AKAIN1: variants seen among roughly 807,000 people sequenced by gnomAD.
AKAIN1 encodes the protein A-kinase anchor inhibitor 1.
A neutral mutation model predicts 3.7 loss-of-function variants in AKAIN1; 3 were observed. The ratio of observed to expected loss-of-function variants is 0.82; its 90% CI spans 0.37 to 2.12. AKAIN1 has a LOEUF of 2.12. AKAIN1 is among the 30% of genes most tolerant of loss of function. AKAIN1 has a pLI of 0.06. For missense variants in AKAIN1, 82 were observed against 82.7 expected, an observed-to-expected ratio of 0.99 and a Z score of 0.03; for synonymous variants, 31 against 30.8, an observed-to-expected ratio of 1.01 and a Z score of -0.02.
chr18:5,196,759 G>A (rs2071350132), intron 1 of AKAIN1, among the ~76,000 whole-genome samples: 1 of 152,214 alleles, frequency 6.6e-6, no homozygotes, highest in Non-Finnish European at 1.5e-5. Flanking sequence ...AGTTCTTAAG[G>A]CTCCTGAGCT....
At chr18:5,154,059 C>T (rs2071093538) in intron 1 of AKAIN1, among the ~76,000 whole-genome samples, 1 of 152,044 alleles carries the variant, frequency 6.6e-6, no homozygotes, top group South Asian at 2.1e-4. Flanking sequence ...TTGTGAGACC[C>T]TCATCTCTAT....
rs1232469617 is a variant in AKAIN1 at position 5,194,022 on chromosome 18, A to C, written c.16+3016T>G. Among the ~76,000 whole-genome samples, 4 of 152,140 alleles carry C rather than the reference A, an allele frequency of 2.6e-5. No individual in the cohort carries two copies. In the East Asian group the frequency reaches 7.7e-4, roughly 29 times the overall value. The stretch of plus-strand genomic sequence containing the variant: ...AGGAATAAAGCAATTTAGGAAAAGG[A>C]AGCAAGAGGCCTCATTTTAGTCTTT... On this transcript the variant is annotated intron_variant, in intron 1 of 1. Transcript: ENST00000434239.
chr18:5,155,435 T>A lies in AKAIN1; in HGVS notation c.17-9680A>T, dbSNP rs7232953. On this transcript the variant is annotated intron_variant, in intron 1 of 1. Coordinates refer to ENST00000434239, the MANE Select transcript of AKAIN1 (RefSeq NM_001145194.2). ...GACTCCTCCTGTAGCTTATTGAATA[T>A]GTATATCTGGCCTGCTCAGCCAGAA... Among the ~76,000 whole-genome samples, 3 of 152,164 alleles carry A rather than the reference T, an allele frequency of 2.0e-5. No individual in the cohort carries two copies. The East Asian group carries it at 5.8e-4, about 29-fold the overall frequency.
chr18:5,156,780 G>C (rs2071110888), intron 1 of AKAIN1, among the ~76,000 whole-genome samples: 1 of 152,206 alleles, frequency 6.6e-6, no homozygotes, highest in South Asian at 2.1e-4. Context: ...ATGGCCTGGG[G>C]GTCTTTCTTG....
At chr18:5,148,718 G>A (rs142638955) in intron 1 of AKAIN1, among the ~76,000 whole-genome samples, 17 of 152,158 alleles carry the variant, frequency 1.1e-4, no homozygotes, top group African/African-American at 3.1e-4. Context: ...TTAGTCTGGC[G>A]TGGTGGCGAG....
intron 1 of AKAIN1, chr18:5,163,775 C>G (rs973661731): frequency 1.3e-5 from 2 of 151,944 alleles, no homozygotes; most frequent in African/African-American, 4.8e-5. Flanking sequence ...GATACACTTC[C>G]AAGCCTCATG....
intron 1 of AKAIN1, among the ~76,000 whole-genome samples, chr18:5,190,156 C>T (rs188210162): frequency 4.9e-4 from 75 of 152,200 alleles, no homozygotes; most frequent in East Asian, 3.9e-4. Context: ...CTCACTTCTG[C>T]GATAACTAAT....
rs952073396 is a variant in AKAIN1 at position 5,145,484 on chromosome 18, G to C, written c.*78C>G. The C allele has an allele frequency of 2.4e-6, 3 of 1,239,224 alleles. No individual in the cohort carries two copies. The highest frequency in any genetic ancestry group is 2.3e-6 in the Non-Finnish European group (2 of 887,440). 76.8% of individuals were successfully genotyped at this position (1,239,224 alleles called of 1,614,324 possible). ...CGGTGACACTTCGGTTTGCTTTACTGGCAACATTTTGGAGATGCGTCCTAT... is the reference window on the plus strand; with the variant it reads ...CGGTGACACTTCGGTTTGCTTTACTCGCAACATTTTGGAGATGCGTCCTAT... On this transcript the variant is annotated 3_prime_UTR_variant, in exon 2 of 2. Coordinates refer to ENST00000434239, the MANE Select transcript of AKAIN1 (RefSeq NM_001145194.2).
At chr18:5,185,927 C>T (rs1180137051) in intron 1 of AKAIN1, among the ~76,000 whole-genome samples, 2 of 152,088 alleles carry the variant, frequency 1.3e-5, no homozygotes, top group Non-Finnish European at 2.9e-5. Context: ...TGGAATCAAC[C>T]TAAATGCCCA....
At chr18:5,180,089 C>T (rs993184993) in intron 1 of AKAIN1, among the ~76,000 whole-genome samples, 3 of 152,120 alleles carry the variant, frequency 2.0e-5, no homozygotes, top group Non-Finnish European at 2.9e-5. Context: ...AAGACACTCA[C>T]TTTCTTCCCA....
chr18:5,168,790 A>G (rs1273446057), intron 1 of AKAIN1, among the ~76,000 whole-genome samples: 1 of 151,784 alleles, frequency 6.6e-6, no homozygotes, highest in Non-Finnish European at 1.5e-5. Context: ...TGGTCATAAT[A>G]TAATAATAAA....
intron 1 of AKAIN1, among the ~76,000 whole-genome samples, chr18:5,176,902 C>CCTAT (rs772391776): frequency 1.3e-5 from 2 of 152,172 alleles, no homozygotes. Context: ...TCTCCCTGCA[C>CCTAT]CTATATACAG....
upstream of AKAIN1, chr18:5,197,291 A>AT: frequency 7.3e-7 from 1 of 1,368,726 alleles, no homozygotes; most frequent in Non-Finnish European, 9.4e-7. This position sits in a 1 kb window ranked among gnomAD's most constrained non-coding sequence, Gnocchi z 6.9. Flanking sequence ...AGGAGGGTGA[A>AT]TCCCCGCTCA....
chr18:5,196,608 C>A lies in AKAIN1; in HGVS notation c.16+430G>T, dbSNP rs1598319627. Among the ~76,000 whole-genome samples, 5 of 152,316 alleles carry A rather than the reference C, an allele frequency of 3.3e-5. No homozygotes were observed. The South Asian group carries it at 1.0e-3, about 32-fold the overall frequency. On this transcript the variant is annotated intron_variant, in intron 1 of 1. Coordinates refer to ENST00000434239, the MANE Select transcript of AKAIN1 (RefSeq NM_001145194.2). ...CTTCTCCTCGGGAGGCCAGGAGGAC[C>A]CGGGTCACTTTGCCAATTCTGCGGA...
chr18:5,171,664 G>T (rs1256152927), intron 1 of AKAIN1, among the ~76,000 whole-genome samples: 2 of 152,104 alleles, frequency 1.3e-5, no homozygotes, highest in African/African-American at 2.4e-5. Context: ...AGCTAAAATG[G>T]TTTATATCCA....
intron 1 of AKAIN1, among the ~76,000 whole-genome samples, chr18:5,195,929 C>T (rs190630925): frequency 6.6e-5 from 10 of 152,276 alleles, no homozygotes; most frequent in African/African-American, 2.2e-4. Context: ...CCCTCCCTCC[C>T]CAGCTAGCAT....
rs183991732 is a variant in AKAIN1, at chr18:5,151,780, A to G, written c.17-6025T>C. Among the ~76,000 whole-genome samples the G allele has an allele frequency of 2.4e-4, 36 of 152,350 alleles. No homozygotes were observed. In the East Asian group the frequency reaches 4.0e-3, roughly 17 times the overall value. ...AAAACATCCTAGACAACAAGATGACATGAATCAGAAAGATATTTATGGAGG... is the reference window on the plus strand; with the variant it reads ...AAAACATCCTAGACAACAAGATGACGTGAATCAGAAAGATATTTATGGAGG... On this transcript the variant is annotated intron_variant, in intron 1 of 1. Coordinates refer to ENST00000434239, the MANE Select transcript of AKAIN1 (RefSeq NM_001145194.2).
intron 1 of AKAIN1, among the ~76,000 whole-genome samples, chr18:5,179,400 T>C (rs1262797656): frequency 1.5e-5 from 2 of 130,554 alleles, no homozygotes; most frequent in African/African-American, 3.0e-5. Flanking sequence ...TGGCTGAGTA[T>C]ATGTATGTAT....
At chr18:5,163,189 A>G (rs199556240) in intron 1 of AKAIN1, among the ~76,000 whole-genome samples, 1 of 148,594 alleles carries the variant, frequency 6.7e-6, no homozygotes, top group South Asian at 2.1e-4. Flanking sequence ...GCAGTCCCAA[A>G]GTGCAAGTCC....
Sources: allele counts gnomAD v4.1 joint callset (sites outside exome capture counted in the v4.1 genomes callset), GRCh38; gene constraint gnomAD v4.1.1; non-coding constraint Gnocchi (gnomAD v3.1); transcripts MANE v1.5; gene names NCBI Gene and HGNC (gene_info 2026-07-23, HGNC 2026-07-21).